The following MASTL variants were observed in gnomAD, a reference collection of about 807,000 sequenced individuals.
MASTL encodes microtubule associated serine/threonine kinase like.
A neutral mutation model predicts 82.5 loss-of-function variants in MASTL; 54 were observed. That is an observed-to-expected ratio of 0.65 (90% CI 0.53 to 0.82). The LOEUF (loss-of-function observed/expected upper bound fraction) is 0.82, where lower values mean the gene tolerates loss of function less well. MASTL is among the 40% of genes least tolerant of loss of function. MASTL has a pLI of 0.00. For missense variants in MASTL, 950 were observed against 1,047.8 expected (o/e 0.91, Z 1.29); for synonymous variants, 323 against 368.9 (o/e 0.88, Z 1.43).
chr10:27,161,063 G>A, intron 3 of MASTL, 31 bp from the exon 4 acceptor site: 1 of 1,412,384 alleles, frequency 7.1e-7, no homozygotes, highest in Non-Finnish European at 1.0e-6. Flanking sequence ...CCCTTTTTTG[G>A]TTATCTAATA....
rs1434858124 is a variant in MASTL, at chr10:27,159,273, C to T, written c.325-346C>T. Among the ~76,000 whole-genome samples the T allele has an allele frequency of 6.6e-6, 1 of 152,000 alleles. No individual in the cohort carries two copies. The highest frequency in any genetic ancestry group is 2.4e-5 in the African/African-American group (1 of 41,356). The stretch of plus-strand genomic sequence containing the variant: ...CTAATTTTTTGTATAAATTAGCTGC[C>T]ACCAGGCCCAGCTAATTTTTTGTAA... On this transcript the variant is annotated intron_variant, in intron 2 of 11. Transcript: ENST00000375940. The surrounding 1 kb of genome is among the most constrained non-coding windows in gnomAD (Gnocchi z 4.0).
At chr10:27,171,195 T>A in intron 8 of MASTL, 112 bp downstream of exon 8, 1 of 924,794 alleles carries the variant, frequency 1.1e-6, no homozygotes. Context: ...CTGTTCTTCT[T>A]GTTGAGAATC....
Position 27,165,161 on chromosome 10 carries a change from G to T in MASTL, c.651G>T (p.Ser217=), listed in dbSNP as rs755985707. 1 of 1,609,804 alleles carries T rather than the reference G, an allele frequency of 6.2e-7. No individual in the cohort carries two copies. Among genetic ancestry groups the T allele is most frequent in the Non-Finnish European group, 8.5e-7 (1 of 1,176,300 alleles). The change falls in exon 5 of 12, where the codon TCG becomes TCT. Residue 217 remains serine (S), a synonymous_variant. Coordinates refer to ENST00000375940, the MANE Select transcript of MASTL (RefSeq NM_001172303.3). ...GACAAGTGTTATCGCTTATCAGCTCGTTGGGATTTGTAAGTACTTGAGAAG... is the reference window on the plus strand; with the variant it reads ...GACAAGTGTTATCGCTTATCAGCTCTTTGGGATTTGTAAGTACTTGAGAAG... ...TPGQVLSLIS[S]LGFNTPIAEK...
In MASTL at chr10:27,170,272, T is replaced by C; in HGVS notation, c.1313T>C (p.Leu438Pro). Residue 438 changes from leucine (L) to proline (P), a missense_variant, in exon 8 of 12, where the codon CTT (leucine) becomes CCT (proline). Transcript: ENST00000375940. Reference protein sequence around the residue: ...VDSGGISEEHLGKRSLKRNFE... With the variant: ...VDSGGISEEHPGKRSLKRNFE... ...TCTGGTGGGATATCTGAAGAGCACC[T>C]TGGGAAAAGAAGTTTAAAAAGAAAT... 1 of 1,614,060 alleles carries C rather than the reference T, an allele frequency of 6.2e-7. No homozygotes were observed. Among genetic ancestry groups the C allele is most frequent in the Non-Finnish European group, 8.5e-7 (1 of 1,179,968 alleles).
intron 5 of MASTL, 97 bp downstream of exon 5, chr10:27,165,267 A>G: frequency 2.2e-6 from 3 of 1,390,906 alleles, no homozygotes; most frequent in South Asian, 1.2e-5. Context: ...AAATAGATTT[A>G]AATATCAAGC....
At chr10:27,168,559 G>A (rs1194125014) in intron 7 of MASTL, among the ~76,000 whole-genome samples, 2 of 152,188 alleles carry the variant, frequency 1.3e-5, no homozygotes, top group African/African-American at 2.4e-5. Context: ...GCTCACGCCT[G>A]TAATCCCAGC....
At position 27,187,364 on chromosome 10, in the gene MASTL, CAA is replaced by C. The variant is rs2058828999; in HGVS notation, c.*832_*833del. Among the ~76,000 whole-genome samples, 1 of 152,140 alleles carries C rather than the reference CAA, an allele frequency of 6.6e-6. No homozygotes were observed. ...ACTCCTTTGGGGAATAAGGAATAAA[CAA>C]AAAGACTAAGGCTTTCACTTACTTT... On this transcript the variant is annotated 3_prime_UTR_variant, in exon 12 of 12. Coordinates refer to ENST00000375940, the MANE Select transcript of MASTL (RefSeq NM_001172303.3).
intron 8 of MASTL, among the ~76,000 whole-genome samples, 197 bp downstream of exon 8, chr10:27,171,280 C>T (rs1376105231): frequency 1.3e-5 from 2 of 151,852 alleles, no homozygotes; most frequent in African/African-American, 2.4e-5. Context: ...AGCTGTAATG[C>T]CTCCTTCCAT....
chr10:27,157,822 A>C (rs2057444051), intron 1 of MASTL, among the ~76,000 whole-genome samples: 1 of 151,730 alleles, frequency 6.6e-6, no homozygotes, highest in East Asian at 1.9e-4. Flanking sequence ...AACTTCCGAC[A>C]TTCTTCCTCT....
chr10:27,181,220 A>G (rs989313683), intron 10 of MASTL, among the ~76,000 whole-genome samples, 154 bp downstream of exon 10: 11 of 151,884 alleles, frequency 7.2e-5, no homozygotes, highest in African/African-American at 2.7e-4. Context: ...CCCCATCTCT[A>G]CTAAAAAAAA....
chr10:27,161,308 G>A, intron 4 of MASTL, 126 bp downstream of exon 4: 3 of 626,440 alleles, frequency 4.8e-6, no homozygotes, highest in Non-Finnish European at 6.0e-6. Flanking sequence ...AGGAGTTAGA[G>A]ACCAGCCTAG....
At chr10:27,169,432 T>C (rs1217110804) in intron 7 of MASTL, among the ~76,000 whole-genome samples, 5 of 151,968 alleles carry the variant, frequency 3.3e-5, no homozygotes, top group Admixed American at 2.6e-4. Flanking sequence ...TAGCCAGGTG[T>C]GGTGGTGTGC....
chr10:27,155,062 A>G (rs1236486012), upstream of MASTL: 3 of 270,940 alleles, frequency 1.1e-5, no homozygotes, highest in Non-Finnish European at 2.1e-5. Flanking sequence ...TGGGAGGAGG[A>G]CCGCTTCCCA....
Position 27,170,889 on chromosome 10 carries a change from A to G in MASTL, c.1930A>G (p.Lys644Glu). ...GTTAGGTCCTCCTTTGGAGGTGCTGAAAACGTTAGCCTCTAAAAGAAATGC... is the reference window on the plus strand; with the variant it reads ...GTTAGGTCCTCCTTTGGAGGTGCTGGAAACGTTAGCCTCTAAAAGAAATGC... ...KMLGPPLEVLKTLASKRNAVA... is the reference protein window; with the variant it reads ...KMLGPPLEVLETLASKRNAVA... The change falls in exon 8 of 12, where the codon AAA becomes GAA. Residue 644 changes from lysine (K) to glutamate (E), a missense_variant. Transcript: ENST00000375940. 1 of 1,614,192 alleles carries G rather than the reference A, an allele frequency of 6.2e-7. No individual in the cohort carries two copies. The highest frequency in any genetic ancestry group is 8.5e-7 in the Non-Finnish European group (1 of 1,180,028).
intron 7 of MASTL, among the ~76,000 whole-genome samples, chr10:27,168,405 A>G (rs1231787249): frequency 6.6e-6 from 1 of 152,186 alleles, no homozygotes; most frequent in Non-Finnish European, 1.5e-5. Flanking sequence ...ATGGGATTAT[A>G]GTGGTGCTTC....
At chr10:27,156,066 G>T (rs2135939122) in intron 1 of MASTL, among the ~76,000 whole-genome samples, 2 of 152,090 alleles carry the variant, frequency 1.3e-5, no homozygotes, top group East Asian at 3.9e-4. Context: ...GTGCAGTGGC[G>T]CAATCTCGAC....
At chr10:27,173,086 ATTTG>A in intron 8 of MASTL, 28 bp from the exon 9 acceptor site, 1 of 1,613,302 alleles carries the variant, frequency 6.2e-7, no homozygotes, top group Non-Finnish European at 8.5e-7. Context: ...GAATTAAGAT[ATTTG>A]TTATCTCTTA....
At chr10:27,178,879 G>A (rs2058186107) in intron 9 of MASTL, among the ~76,000 whole-genome samples, 2 of 152,016 alleles carry the variant, frequency 1.3e-5, no homozygotes, top group Admixed American at 6.6e-5. Context: ...TGTTTTTATA[G>A]TATTATAGAA....
intron 8 of MASTL, 129 bp downstream of exon 8, chr10:27,171,212 C>A (rs2057923016): frequency 7.2e-6 from 6 of 833,304 alleles, no homozygotes; most frequent in South Asian, 5.2e-5. Context: ...AATCTGTGGG[C>A]TGTTGGAAGT....
Sources: allele counts gnomAD v4.1 joint callset (sites outside exome capture counted in the v4.1 genomes callset), GRCh38; gene constraint gnomAD v4.1.1; non-coding constraint Gnocchi (gnomAD v3.1); transcripts MANE v1.5; gene names NCBI Gene and HGNC (gene_info 2026-07-23, HGNC 2026-07-21).